Variants in ROBO2 observed in about 807,000 individuals in gnomAD.
ROBO2 encodes roundabout guidance receptor 2.
Under a neutral mutation model 160.8 loss-of-function variants are expected in ROBO2, and 53 were observed. The observed-to-expected ratio is 0.33, with a 90% CI of 0.26 to 0.41. ROBO2 has a LOEUF of 0.41. Among genes scored for constraint, ROBO2 ranks in the 10% least tolerant of loss-of-function variants. ROBO2 has a pLI of 1.00. For synonymous variants in ROBO2, 664 were observed against 611.7 expected (o/e 1.09, Z -1.26); for missense variants, 1,577 against 1,722.4 (o/e 0.92, Z 1.49).
chr3:76,479,781 A>C (rs953407260), intron 2 of ROBO2, among the ~76,000 whole-genome samples: 16 of 152,186 alleles, frequency 1.1e-4, no homozygotes, highest in African/African-American at 3.9e-4. Flanking sequence ...GAATTCAGTG[A>C]CTTGCCCAGG....
chr3:76,745,645 T>C (rs1382388012), intron 2 of ROBO2, among the ~76,000 whole-genome samples: 1 of 152,004 alleles, frequency 6.6e-6, no homozygotes. Context: ...CTTGATAAAG[T>C]GTATCATTTT....
At chr3:77,164,695 T>C (rs1258292567) in intron 2 of ROBO2, among the ~76,000 whole-genome samples, 9 of 93,844 alleles carry the variant, frequency 9.6e-5, no homozygotes, top group East Asian at 3.5e-4. Context: ...CCAGCCGTGC[T>C]GTCCGGGAGG....
intron 2 of ROBO2, among the ~76,000 whole-genome samples, chr3:76,700,365 C>T (rs1432117638): frequency 1.3e-5 from 2 of 152,234 alleles, no homozygotes; most frequent in East Asian, 3.9e-4. Flanking sequence ...TTTCTTCCTT[C>T]ACCCTTACTC....
intron 2 of ROBO2, among the ~76,000 whole-genome samples, chr3:76,316,678 A>G (rs904226559): frequency 6.6e-6 from 1 of 152,212 alleles, no homozygotes; most frequent in Non-Finnish European, 1.5e-5. Context: ...ATAAGAAATT[A>G]TAAGAGTATT....
intron 2 of ROBO2, among the ~76,000 whole-genome samples, chr3:76,212,321 C>T (rs551928324): frequency 6.6e-6 from 1 of 151,768 alleles, no homozygotes; most frequent in Non-Finnish European, 1.5e-5. Context: ...AAGACAGATG[C>T]AAATATAATT....
At chr3:77,452,640 T>C (rs138618981) in intron 2 of ROBO2, among the ~76,000 whole-genome samples, 3 of 152,152 alleles carry the variant, frequency 2.0e-5, no homozygotes, top group Non-Finnish European at 4.4e-5. Context: ...TAAACAGTAC[T>C]CAGTTTACAG....
chr3:76,661,724 T>C (rs1047567744), intron 2 of ROBO2, among the ~76,000 whole-genome samples: 6 of 152,160 alleles, frequency 3.9e-5, no homozygotes, highest in Non-Finnish European at 5.9e-5. Flanking sequence ...GTTCTTGTTA[T>C]GCAGATGAAG....
chr3:76,462,879 A>G (rs1190154615), intron 2 of ROBO2, among the ~76,000 whole-genome samples: 1 of 152,194 alleles, frequency 6.6e-6, no homozygotes, highest in Non-Finnish European at 1.5e-5. Flanking sequence ...GCAATTCTTT[A>G]TAGTGCTACC....
intron 1 of ROBO2, among the ~76,000 whole-genome samples, chr3:77,042,172 T>A (rs1234620690): frequency 1.3e-5 from 2 of 152,200 alleles, no homozygotes; most frequent in Non-Finnish European, 2.9e-5. Flanking sequence ...GAGGGATGCG[T>A]GTGTGTGCAC....
At chr3:76,658,276 A>G (rs1032773999) in intron 2 of ROBO2, among the ~76,000 whole-genome samples, 5 of 151,832 alleles carry the variant, frequency 3.3e-5, no homozygotes, top group African/African-American at 1.2e-4. Context: ...ACATATTAAC[A>G]GGTTACATTA....
chr3:76,884,763 G>T (rs2073713868), intron 2 of ROBO2, among the ~76,000 whole-genome samples: 1 of 152,018 alleles, frequency 6.6e-6, no homozygotes, highest in South Asian at 2.1e-4. Context: ...TAATTTTAAT[G>T]TGAATGCATT....
intron 2 of ROBO2, among the ~76,000 whole-genome samples, chr3:76,475,518 T>C (rs929667597): frequency 2.6e-5 from 4 of 151,966 alleles, no homozygotes; most frequent in Non-Finnish European, 5.9e-5. Context: ...CCAATGAGGT[T>C]TGGAACCTTT....
At chr3:77,237,626 A>G (rs2088272235) in intron 2 of ROBO2, among the ~76,000 whole-genome samples, 1 of 152,156 alleles carries the variant, frequency 6.6e-6, no homozygotes, top group African/African-American at 2.4e-5. Context: ...CATATAGTGT[A>G]TCTATCTATT....
At chr3:76,856,911 G>A (rs1038779865) in intron 2 of ROBO2, among the ~76,000 whole-genome samples, 2 of 152,190 alleles carry the variant, frequency 1.3e-5, no homozygotes, top group African/African-American at 4.8e-5. Flanking sequence ...AGTGCTTTCT[G>A]TAATCCTAGT....
At position 76,001,697 on chromosome 3, in the gene ROBO2, CCACACCAGGCT is replaced by C. The variant is rs150027615; in HGVS notation, c.109+64096_109+64106del. Among the ~76,000 whole-genome samples, 1,148 of 152,154 alleles carry C rather than the reference CCACACCAGGCT, an allele frequency of 7.5e-3. 19 individuals carry two copies. The highest frequency in any genetic ancestry group is 0.026 in the African/African-American group (1,074 of 41,490). On this transcript the variant is annotated intron_variant, in intron 2 of 26. Transcript: ENST00000487694. ...GGACTACAGGCATTTGCCACCATGC[CCACACCAGGCT>C]AATTGTTTATATTTTTAGTAGAAAT...
rs192054484 is a variant in ROBO2, at chr3:77,390,530, A to G, written c.389-86884A>G. ...TACATAATCTCTCTCGCCTGCCACCATATAAGGTATCCCTTGCTCTTCTGC... is the reference window on the plus strand; with the variant it reads ...TACATAATCTCTCTCGCCTGCCACCGTATAAGGTATCCCTTGCTCTTCTGC... On this transcript the variant is annotated intron_variant, in intron 2 of 25. Coordinates refer to ENST00000461745, the Ensembl canonical transcript of ROBO2. Among the ~76,000 whole-genome samples, 8 of 152,194 alleles carry G rather than the reference A, an allele frequency of 5.3e-5. No individual in the cohort carries two copies. In the East Asian group the frequency reaches 1.2e-3, roughly 22 times the overall value.
chr3:77,264,308 G>T (rs947622555), intron 2 of ROBO2, among the ~76,000 whole-genome samples: 6 of 152,126 alleles, frequency 3.9e-5, no homozygotes, highest in Non-Finnish European at 5.9e-5. Flanking sequence ...TTTCACCTTT[G>T]TTGGTCTTAT....
At chr3:76,575,216 C>G (rs1224420874) in intron 2 of ROBO2, among the ~76,000 whole-genome samples, 1 of 151,954 alleles carries the variant, frequency 6.6e-6, no homozygotes, top group African/African-American at 2.4e-5. Context: ...TTGATAATTC[C>G]CATTCTTTCC....
Position 77,562,736 on chromosome 3 carries a change from A to G in ROBO2, c.1519+4A>G. The G allele has an allele frequency of 1.2e-6, 2 of 1,607,986 alleles. No individual in the cohort carries two copies. Among genetic ancestry groups the G allele is most frequent in the Non-Finnish European group, 8.5e-7 (1 of 1,174,970 alleles). ...AGTGCAGTGCTGGATGTGACAGGTG[A>G]GGACTTTGTGAATTAGGAGAAATCT... On this transcript the variant is annotated splice_donor_region_variant and intron_variant, in intron 10 of 25. Coordinates refer to ENST00000461745, the Ensembl canonical transcript of ROBO2.
Sources: allele counts gnomAD v4.1 joint callset (sites outside exome capture counted in the v4.1 genomes callset), GRCh38; gene constraint gnomAD v4.1.1; transcripts MANE v1.5; gene names NCBI Gene and HGNC (gene_info 2026-07-23, HGNC 2026-07-21).